RPS6KA5: variants seen among roughly 807,000 people sequenced by gnomAD.
RPS6KA5 encodes the protein ribosomal protein S6 kinase A5.
In RPS6KA5, 27 loss-of-function variants were observed where a neutral mutation model predicts 85.5. The ratio of observed to expected loss-of-function variants is 0.32; its 90% CI spans 0.23 to 0.44. The LOEUF is 0.44. Among genes scored for constraint, RPS6KA5 ranks in the 20% least tolerant of loss-of-function variants. The probability of loss-of-function intolerance (pLI) is 1.00; values close to 1 mark genes in which losing one functional copy is unlikely to be tolerated. For synonymous variants in RPS6KA5, 334 were observed against 348.2 expected, an observed-to-expected ratio of 0.96 and a Z score of 0.46; for missense variants, 811 against 980.9, an observed-to-expected ratio of 0.83 and a Z score of 2.31.
chr14:90,960,458 G>A (rs1252766256), intron 3 of RPS6KA5, among the ~76,000 whole-genome samples: 2 of 152,194 alleles, frequency 1.3e-5, no homozygotes. Flanking sequence ...AGTGGTCAGT[G>A]ATATCATGAC....
intron 3 of RPS6KA5, among the ~76,000 whole-genome samples, chr14:90,948,366 A>C (rs2037982985): frequency 1.3e-5 from 2 of 152,214 alleles, no homozygotes; most frequent in African/African-American, 4.8e-5. Context: ...CTTTTTACCA[A>C]ATAAGTGTTG....
chr14:90,995,528 T>C (rs1216278603), intron 2 of RPS6KA5, among the ~76,000 whole-genome samples: 2 of 152,182 alleles, frequency 1.3e-5, no homozygotes, highest in Non-Finnish European at 2.9e-5. Context: ...CCTTAGAAGC[T>C]GTCTCCTATA....
intron 7 of RPS6KA5, among the ~76,000 whole-genome samples, chr14:90,912,046 C>A (rs1388404086): frequency 6.6e-6 from 1 of 152,172 alleles, no homozygotes; most frequent in Admixed American, 6.5e-5. Flanking sequence ...ATCATGAATG[C>A]TTCCCTGACA....
chr14:91,020,391 G>A (rs2041697142), intron 1 of RPS6KA5, among the ~76,000 whole-genome samples: 2 of 152,138 alleles, frequency 1.3e-5, no homozygotes, highest in Non-Finnish European at 2.9e-5. Flanking sequence ...TTAAAGTAAT[G>A]TAGAGATGAT....
rs73322598 is a variant in RPS6KA5, at chr14:90,870,838, C to T, written c.*1236G>A. The T allele has an allele frequency of 7.0e-3, 667 of 95,682 alleles. 2 individuals carry two copies. Among genetic ancestry groups the T allele is most frequent in the African/African-American group, 0.027 (623 of 23,040 alleles). 5.9% of individuals were successfully genotyped at this position (95,682 alleles called of 1,614,324 possible). A position where few individuals can be genotyped will look rare whatever the true frequency, so the allele number is the denominator to read the frequency against. On this transcript the variant is annotated 3_prime_UTR_variant, in exon 17 of 17. Coordinates refer to ENST00000614987, the MANE Select transcript of RPS6KA5 (RefSeq NM_004755.4). ...TTTTTTTTTTTTTTTGCATAGGGAA[C>T]GAATTAATTGTATTTTTAAATGCAG...
intron 8 of RPS6KA5, among the ~76,000 whole-genome samples, chr14:90,903,376 T>TA (rs1484243893): frequency 1.3e-5 from 2 of 152,238 alleles, no homozygotes; most frequent in Non-Finnish European, 2.9e-5. Flanking sequence ...ATATTAGCTC[T>TA]AAAAGAATGT....
chr14:91,052,012 A>T (rs1205144261), intron 1 of RPS6KA5, among the ~76,000 whole-genome samples: 1 of 152,164 alleles, frequency 6.6e-6, no homozygotes, highest in Non-Finnish European at 1.5e-5. Flanking sequence ...ATGCTCGTAA[A>T]TACTTTGATT....
At chr14:91,000,156 C>T (rs2140575232) in intron 2 of RPS6KA5, among the ~76,000 whole-genome samples, 1 of 152,240 alleles carries the variant, frequency 6.6e-6, no homozygotes, top group East Asian at 1.9e-4. Flanking sequence ...TTTCCATATC[C>T]ATATACACAT....
intron 5 of RPS6KA5, among the ~76,000 whole-genome samples, chr14:90,933,656 AG>A (rs1284474619): frequency 6.6e-6 from 1 of 152,202 alleles, no homozygotes; most frequent in Non-Finnish European, 1.5e-5. Flanking sequence ...CTTCCAAAAT[AG>A]GAGATCACTA....
At position 90,890,547 on chromosome 14, in the gene RPS6KA5, C is replaced by T. The variant is rs1338260997; in HGVS notation, c.1776G>A (p.Glu592=). The change falls in exon 14 of 17, where the codon GAG becomes GAA. Residue 592 remains glutamate (E), a synonymous_variant. Transcript: ENST00000614987. The stretch of plus-strand genomic sequence containing the variant: ...CATCGTAGCCGTTCTGATTCAAGAG[C>T]TCTGGGGCGGCATAATGAAGGGTGA... ...PCFTLHYAAP[E]LLNQNGYDES... 4 of 1,614,176 alleles carry T rather than the reference C, an allele frequency of 2.5e-6. No individual in the cohort carries two copies. The African/African-American group carries it at 4.0e-5, about 16-fold the overall frequency.
At chr14:90,881,131 G>A (rs116968611) in intron 14 of RPS6KA5, among the ~76,000 whole-genome samples, 4,793 of 151,882 alleles carry the variant, frequency 0.032, 136 homozygotes, top group Admixed American at 0.077. Context: ...ACCATGCCCA[G>A]CCTCTTGTAA....
At chr14:90,923,308 G>T in intron 5 of RPS6KA5, 112 bp from the exon 6 acceptor site, 1 of 798,170 alleles carries the variant, frequency 1.3e-6, no homozygotes. Context: ...CAAAGTAGTG[G>T]TAGAATCTAC....
chr14:91,059,966 C>G (rs1475096033), intron 1 of RPS6KA5: 15 of 912,594 alleles, frequency 1.6e-5, no homozygotes, highest in Non-Finnish European at 2.0e-5. Flanking sequence ...TCGCCCCACG[C>G]GGAGGCAGGC....
chr14:90,899,233 G>T, intron 12 of RPS6KA5, 96 bp downstream of exon 12: 1 of 813,992 alleles, frequency 1.2e-6, no homozygotes, highest in Non-Finnish European at 2.0e-6. Context: ...CTATATCCCT[G>T]ACTCTGACCC....
intron 13 of RPS6KA5, among the ~76,000 whole-genome samples, chr14:90,891,998 CTTTTT>C (rs11351056): frequency 2.2e-5 from 3 of 139,224 alleles, no homozygotes; most frequent in Admixed American, 1.4e-4. Flanking sequence ...GATTTTAGTT[CTTTTT>C]TTTTTTTTTT....
At chr14:91,059,099 G>A (rs1044561900) in intron 1 of RPS6KA5, among the ~76,000 whole-genome samples, 1 of 152,076 alleles carries the variant, frequency 6.6e-6, no homozygotes, top group African/African-American at 2.4e-5. Flanking sequence ...AGGCCGAGGC[G>A]GGCGGATCAC....
At chr14:90,951,983 A>G (rs114568641) in intron 3 of RPS6KA5, among the ~76,000 whole-genome samples, 2,706 of 152,032 alleles carry the variant, frequency 0.018, 71 homozygotes, top group African/African-American at 0.063. Flanking sequence ...TTTGATGCCA[A>G]TACCCCTTTA....
intron 12 of RPS6KA5, among the ~76,000 whole-genome samples, chr14:90,898,546 T>C (rs903296828): frequency 2.6e-5 from 4 of 152,228 alleles, no homozygotes; most frequent in Non-Finnish European, 5.9e-5. Context: ...TATGTGACCT[T>C]AGACAAGTTT....
At chr14:91,020,038 C>G (rs1431102629) in intron 1 of RPS6KA5, among the ~76,000 whole-genome samples, 1 of 152,128 alleles carries the variant, frequency 6.6e-6, no homozygotes, top group Non-Finnish European at 1.5e-5. Flanking sequence ...GCAACTGGAG[C>G]ACAATGGCAA....
Sources: gnomAD v4.1 joint callset for allele counts (sites outside exome capture counted in the v4.1 genomes callset) on GRCh38, gnomAD v4.1.1 for gene constraint, MANE v1.5 for transcripts, NCBI Gene and HGNC (gene_info 2026-07-23, HGNC 2026-07-21) for gene names.